The following TIAM1 variants were observed in gnomAD, a reference collection of about 807,000 sequenced individuals.
TIAM1 encodes the protein rho guanine nucleotide exchange factor TIAM1.
A neutral mutation model predicts 163.5 loss-of-function variants in TIAM1; 65 were observed. The observed-to-expected ratio is 0.40, with a 90% CI of 0.33 to 0.49. The LOEUF (loss-of-function observed/expected upper bound fraction) is 0.49. TIAM1 is among the 20% of genes least tolerant of loss of function. TIAM1 has a pLI of 0.77. For synonymous variants in TIAM1, 833 were observed against 810.1 expected (o/e 1.03, Z -0.48); for missense variants, 1,789 against 2,044.7 (o/e 0.87, Z 2.41).
At chr21:31,288,991 T>G (rs369121405) in intron 2 of TIAM1, among the ~76,000 whole-genome samples, 1 of 152,228 alleles carries the variant, frequency 6.6e-6, no homozygotes, top group African/African-American at 2.4e-5. Flanking sequence ...CTCACTCTTA[T>G]TATTTAAATA....
chr21:31,383,975 G>A (rs1219498917), intron 2 of TIAM1, among the ~76,000 whole-genome samples: 1 of 152,126 alleles, frequency 6.6e-6, no homozygotes, highest in Non-Finnish European at 1.5e-5. Flanking sequence ...TATCTGCTGG[G>A]ACCTGCTGTT....
Position 31,395,925 on chromosome 21 carries a change from G to A in TIAM1, c.-368-56503C>T, listed in dbSNP as rs1010087374. Among the ~76,000 whole-genome samples, 3 of 152,154 alleles carry A rather than the reference G, an allele frequency of 2.0e-5. No homozygotes were observed. Among genetic ancestry groups the A allele is most frequent in the East Asian group, 1.9e-4 (1 of 5,196 alleles). ...CAAAATAAGGCTGTCTAGCAAATGA[G>A]GGCATCATTCTTCCTCTAGATTTAA... On this transcript the variant is annotated intron_variant, in intron 2 of 28. Coordinates refer to the TIAM1 transcript ENST00000286827. This position sits in a 1 kb window ranked among gnomAD's most constrained non-coding sequence, Gnocchi z 7.5.
intron 2 of TIAM1, among the ~76,000 whole-genome samples, chr21:31,417,422 A>C (rs2043410016): frequency 6.6e-6 from 1 of 152,204 alleles, no homozygotes; most frequent in Non-Finnish European, 1.5e-5. Flanking sequence ...GGCACGCCTT[A>C]CATGGTGGCA....
intron 1 of TIAM1, among the ~76,000 whole-genome samples, chr21:31,513,582 T>C (rs1342422693): frequency 6.6e-6 from 1 of 152,228 alleles, no homozygotes; most frequent in African/African-American, 2.4e-5. Flanking sequence ...CTGTCAAAAT[T>C]AGCTCCTTAG....
Position 31,335,523 on chromosome 21 carries a change from G to A in TIAM1, c.-189+3720C>T, listed in dbSNP as rs373400577. On this transcript the variant is annotated intron_variant, in intron 2 of 27. Coordinates refer to ENST00000541036, the MANE Select transcript of TIAM1 (RefSeq NM_001353694.2). The stretch of plus-strand genomic sequence containing the variant: ...AGTTCAAGACCATCCTGGCCAACAC[G>A]GTGAAACCCTGTCTCTATTAAAAAT... Among the ~76,000 whole-genome samples, 14 of 152,108 alleles carry A rather than the reference G, an allele frequency of 9.2e-5. No homozygotes were observed. The East Asian group carries it at 1.2e-3, about 13-fold the overall frequency.
At chr21:31,146,766 C>A in intron 20 of TIAM1, 129 bp downstream of exon 20, 2 of 674,148 alleles carry the variant, frequency 3.0e-6, no homozygotes, top group South Asian at 1.8e-5. Flanking sequence ...GCACCCATAT[C>A]AGTGGCTTGC....
At chr21:31,278,562 G>A (rs1000963228) in intron 2 of TIAM1, among the ~76,000 whole-genome samples, 1 of 152,138 alleles carries the variant, frequency 6.6e-6, no homozygotes, top group Non-Finnish European at 1.5e-5. Flanking sequence ...CTTTGAGCAG[G>A]AATATGAAGA....
At chr21:31,214,818 C>T (rs1454909136) in intron 9 of TIAM1, among the ~76,000 whole-genome samples, 1 of 152,036 alleles carries the variant, frequency 6.6e-6, no homozygotes, top group Admixed American at 6.6e-5. Flanking sequence ...GTAGAGAAAG[C>T]ATGTTGCTAT....
rs371205619 is a variant in TIAM1, at chr21:31,307,077, G to A, written c.-188-30169C>T. ...ACAAAAACAAAATCTCAAACCCGAC[G>A]GCTGATTTATTCTTAGTTATGTATA... On this transcript the variant is annotated intron_variant, in intron 2 of 27. Transcript: ENST00000541036. Among the ~76,000 whole-genome samples the A allele has an allele frequency of 9.9e-5, 15 of 152,166 alleles. No homozygotes were observed. The East Asian group carries it at 1.2e-3, about 12-fold the overall frequency.
chr21:31,414,402 A>G (rs1383728004), intron 2 of TIAM1, among the ~76,000 whole-genome samples: 1 of 152,218 alleles, frequency 6.6e-6, no homozygotes, highest in Non-Finnish European at 1.5e-5. Context: ...GAAGAATCCC[A>G]AAGGATATGA....
chr21:31,494,910 G>A (rs2046590183), intron 1 of TIAM1, among the ~76,000 whole-genome samples: 2 of 152,166 alleles, frequency 1.3e-5, no homozygotes, highest in South Asian at 4.1e-4. Flanking sequence ...AACACCTGCA[G>A]AAAAGTGCAA....
At chr21:31,478,294 C>T (rs2045999330) in intron 1 of TIAM1, among the ~76,000 whole-genome samples, 1 of 152,114 alleles carries the variant, frequency 6.6e-6, no homozygotes, top group South Asian at 2.1e-4. Flanking sequence ...CAGATGAGTC[C>T]TCTTAAAATA....
chr21:31,443,368 G>A (rs186923802), intron 2 of TIAM1, among the ~76,000 whole-genome samples: 3 of 152,168 alleles, frequency 2.0e-5, no homozygotes, highest in Non-Finnish European at 2.9e-5. Context: ...GTAGAGATGC[G>A]TCCATAACCC....
At chr21:31,284,453 G>C (rs904234947) in intron 2 of TIAM1, among the ~76,000 whole-genome samples, 1 of 152,152 alleles carries the variant, frequency 6.6e-6, no homozygotes. Flanking sequence ...ACACAGCAGG[G>C]GGGGTGGAGG....
intron 2 of TIAM1, among the ~76,000 whole-genome samples, chr21:31,361,886 CAT>C (rs1212540162): frequency 3.1e-5 from 4 of 130,376 alleles, no homozygotes; most frequent in Non-Finnish European, 5.0e-5. Flanking sequence ...GATAGACAGA[CAT>C]GTGTATACAT....
At chr21:31,247,032 A>G (rs183780394) in intron 5 of TIAM1, among the ~76,000 whole-genome samples, 16 of 152,280 alleles carry the variant, frequency 1.1e-4, no homozygotes, top group African/African-American at 3.6e-4. Context: ...TTTGAAAGAT[A>G]AAGTTTGCCA....
At chr21:31,263,812 T>C (rs573784629) in intron 4 of TIAM1, among the ~76,000 whole-genome samples, 42 of 152,300 alleles carry the variant, frequency 2.8e-4, no homozygotes, top group Non-Finnish European at 5.0e-4. Context: ...GAAGGCCCCA[T>C]AGATCATCTC....
intron 2 of TIAM1, among the ~76,000 whole-genome samples, chr21:31,419,424 T>G (rs1218879027): frequency 5.9e-5 from 9 of 152,164 alleles, no homozygotes; most frequent in African/African-American, 1.9e-4. Context: ...AAGACTCACC[T>G]TCAGTTAAAT....
At chr21:31,388,387 G>A (rs1231272364) in intron 2 of TIAM1, among the ~76,000 whole-genome samples, 1 of 151,956 alleles carries the variant, frequency 6.6e-6, no homozygotes, top group Non-Finnish European at 1.5e-5. Context: ...ACACCTATAA[G>A]CCCAACACTT....
Sources: allele counts gnomAD v4.1 joint callset (sites outside exome capture counted in the v4.1 genomes callset), GRCh38; gene constraint gnomAD v4.1.1; non-coding constraint Gnocchi (gnomAD v3.1); transcripts MANE v1.5; gene names NCBI Gene and HGNC (gene_info 2026-07-23, HGNC 2026-07-21).